The following DSCAM variants were observed in gnomAD, a reference collection of about 807,000 sequenced individuals.
DSCAM encodes the protein DS cell adhesion molecule, also known as cell adhesion molecule DSCAM.
In DSCAM, 47 loss-of-function variants were observed where a neutral mutation model predicts 217.7. The observed-to-expected ratio is 0.22, with a 90% confidence interval of 0.17 to 0.28. The LOEUF is 0.28. Ranked by LOEUF, DSCAM falls within the 10% of genes least tolerant of loss-of-function variation. The pLI is 1.00. For missense variants in DSCAM, 2,080 were observed against 2,618.3 expected (o/e 0.79, Z 4.49); for synonymous variants, 1,056 against 1,015.3 (o/e 1.04, Z -0.76).
At chr21:40,017,757 G>A in intron 32 of DSCAM, among the ~76,000 whole-genome samples, 1 of 152,132 alleles carries the variant, frequency 6.6e-6, no homozygotes, top group East Asian at 1.9e-4. Context: ...TCTCCATGTT[G>A]GTCAGGCTGG....
intron 30 of DSCAM, among the ~76,000 whole-genome samples, chr21:40,051,257 A>G (rs932753458): frequency 5.3e-5 from 8 of 152,356 alleles, no homozygotes; most frequent in Admixed American, 2.6e-4. Flanking sequence ...AACGATTCCA[A>G]TTATGAAGAA....
intron 3 of DSCAM, among the ~76,000 whole-genome samples, chr21:40,579,046 C>T (rs746793557): frequency 4.1e-4 from 62 of 152,134 alleles, no homozygotes; most frequent in Admixed American, 9.2e-4. Context: ...CACATTAGCA[C>T]ATTTGTAACG....
rs1248098891 is a variant in DSCAM, at chr21:40,121,200, CGACT to C, written c.3696+2991_3696+2994del. ...GAAAACTTGACAGCATCTAGTTTAC[CGACT>C]GAAAGTCAAATTGCAGAAACTGATG... is the stretch of plus-strand genomic sequence containing the variant. On this transcript the variant is annotated intron_variant, in intron 20 of 32. Coordinates refer to ENST00000400454, the MANE Select transcript of DSCAM (RefSeq NM_001389.5). Among the ~76,000 whole-genome samples, 3 of 151,888 alleles carry C rather than the reference CGACT, an allele frequency of 2.0e-5. No individual in the cohort carries two copies. The East Asian group carries it at 5.8e-4, about 29-fold the overall frequency.
At chr21:40,768,440 G>C (rs554710917) in intron 1 of DSCAM, among the ~76,000 whole-genome samples, 1 of 152,060 alleles carries the variant, frequency 6.6e-6, no homozygotes, top group East Asian at 1.9e-4. Flanking sequence ...TTCTCATCCA[G>C]TGCTCCCAAC....
At chr21:40,342,717 T>C (rs910364477) in intron 6 of DSCAM, among the ~76,000 whole-genome samples, 2 of 139,296 alleles carry the variant, frequency 1.4e-5, no homozygotes, top group Non-Finnish European at 3.0e-5. Flanking sequence ...ATCTCCCAAG[T>C]AGCTGGGACT....
intron 1 of DSCAM, among the ~76,000 whole-genome samples, chr21:40,831,439 T>C (rs1480040441): frequency 6.6e-6 from 1 of 152,230 alleles, no homozygotes; most frequent in African/African-American, 2.4e-5. Context: ...TCCGGTAAAA[T>C]GATTCAGCTT....
At chr21:40,443,953 GAAGA>G (rs2075653724) in intron 3 of DSCAM, among the ~76,000 whole-genome samples, 1 of 152,162 alleles carries the variant, frequency 6.6e-6, no homozygotes, top group Non-Finnish European at 1.5e-5. Context: ...CAATAATTTA[GAAGA>G]AAGTAAGTGA....
chr21:40,277,632 A>ATTT (rs563319395), intron 10 of DSCAM, among the ~76,000 whole-genome samples: 4,822 of 137,154 alleles, frequency 0.035, 327 homozygotes, highest in African/African-American at 0.12. Flanking sequence ...GACAACCTGA[A>ATTT]TTTTTTTTTT....
At chr21:40,781,762 A>G (rs1359655962) in intron 1 of DSCAM, among the ~76,000 whole-genome samples, 1 of 152,094 alleles carries the variant, frequency 6.6e-6, no homozygotes, top group African/African-American at 2.4e-5. Flanking sequence ...GACCTCAGCT[A>G]TGTCCTACTT....
chr21:40,062,895 T>G lies in DSCAM; in HGVS notation c.4893A>C (p.Ala1631=). 2 of 1,599,000 alleles carry G rather than the reference T, an allele frequency of 1.3e-6. No homozygotes were observed. Among genetic ancestry groups the G allele is most frequent in the Non-Finnish European group, 1.7e-6 (2 of 1,175,234 alleles). The change falls in exon 28 of 33, where the codon GCA becomes GCC. Residue 1631 remains alanine, a synonymous_variant. Coordinates refer to ENST00000400454, the MANE Select transcript of DSCAM (RefSeq NM_001389.5). The stretch of plus-strand genomic sequence containing the variant: ...TCATGAGCATTTCAGCTAAACTCTT[T>G]GCATCTGGGGAAAGAAAGTTAACAT... The part of the protein sequence containing the change: ...REQRLKRLRD[A]KSLAEMLMSK...
intron 27 of DSCAM, among the ~76,000 whole-genome samples, chr21:40,063,114 A>T (rs938019664): frequency 6.6e-6 from 1 of 152,214 alleles, no homozygotes; most frequent in African/African-American, 2.4e-5. Flanking sequence ...AAATATCAAC[A>T]TAACTATCCT....
At chr21:40,637,204 T>A (rs867333317) in intron 3 of DSCAM, among the ~76,000 whole-genome samples, 1 of 9,766 alleles carries the variant, frequency 1.0e-4, no homozygotes, top group Non-Finnish European at 1.4e-4. Flanking sequence ...AATATATATA[T>A]AAATATATAT....
chr21:40,153,348 G>A (rs934342715), intron 16 of DSCAM, among the ~76,000 whole-genome samples: 4 of 152,204 alleles, frequency 2.6e-5, no homozygotes, highest in Non-Finnish European at 5.9e-5. Context: ...GGGGCAAATC[G>A]TGGTCAGAAG....
At chr21:40,229,412 G>A (rs1174006523) in intron 11 of DSCAM, among the ~76,000 whole-genome samples, 1 of 152,132 alleles carries the variant, frequency 6.6e-6, no homozygotes, top group African/African-American at 2.4e-5. Flanking sequence ...GGAAGGCTCT[G>A]TGGTTTTGAC....
chr21:40,256,378 G>C (rs1258699086), intron 11 of DSCAM, among the ~76,000 whole-genome samples: 1 of 151,756 alleles, frequency 6.6e-6, no homozygotes, highest in East Asian at 1.9e-4. Flanking sequence ...CAGAGAAACA[G>C]AACCAATAGG....
intron 16 of DSCAM, among the ~76,000 whole-genome samples, chr21:40,151,065 C>A (rs888201890): frequency 6.6e-6 from 1 of 152,068 alleles, no homozygotes; most frequent in African/African-American, 2.4e-5. Context: ...TCTCTGTCTC[C>A]CGATCTCAGT....
chr21:40,646,882 A>T (rs2089953991), intron 3 of DSCAM, among the ~76,000 whole-genome samples: 1 of 152,212 alleles, frequency 6.6e-6, no homozygotes, highest in Non-Finnish European at 1.5e-5. Context: ...CCACTTGCAC[A>T]CACAGCTCGG....
intron 3 of DSCAM, among the ~76,000 whole-genome samples, chr21:40,400,240 ATTTAT>A (rs2075221424): frequency 6.6e-6 from 1 of 152,198 alleles, no homozygotes; most frequent in East Asian, 1.9e-4. Flanking sequence ...TAAAATATGT[ATTTAT>A]TTTAAAAATG....
At chr21:40,774,971 TTA>T (rs1360966677) in intron 1 of DSCAM, among the ~76,000 whole-genome samples, 1 of 67,586 alleles carries the variant, frequency 1.5e-5, no homozygotes, top group East Asian at 3.1e-4. Flanking sequence ...TATGTAATAA[TTA>T]TATAACATAT....
Sources: allele counts gnomAD v4.1 joint callset (sites outside exome capture counted in the v4.1 genomes callset), GRCh38; gene constraint gnomAD v4.1.1; transcripts MANE v1.5; gene names NCBI Gene and HGNC (gene_info 2026-07-23, HGNC 2026-07-21).